Variants in NINL observed in about 807,000 individuals in gnomAD.
NINL encodes the protein ninein like.
In NINL, 153 loss-of-function variants were observed where a neutral mutation model predicts 160.3. The observed-to-expected ratio is 0.95, with a 90% CI of 0.84 to 1.09. The LOEUF is 1.09. NINL is among the 50% of genes least tolerant of loss of function. The pLI, the probability that NINL is intolerant of heterozygous loss-of-function variation, is 0.00. For missense variants in NINL, 1,829 were observed against 1,764.0 expected (o/e 1.04, Z -0.66); for synonymous variants, 800 against 734.8 (o/e 1.09, Z -1.43).
rs1163087637 is a variant in NINL, at chr20:25,469,262, C to G, written c.3353+729G>C. ...CTGACTCTCATTGGTGGGCACCCCC[C>G]TACCCTGTCCCAACTCTCACTGGTG... On this transcript the variant is annotated intron_variant, in intron 18 of 23. Coordinates refer to ENST00000278886, the MANE Select transcript of NINL (RefSeq NM_025176.6). Among the ~76,000 whole-genome samples the G allele has an allele frequency of 3.1e-5, 3 of 95,810 alleles. 1 individual carries two copies. Among genetic ancestry groups the G allele is most frequent in the African/African-American group, 1.3e-4 (3 of 22,356 alleles). The allele number at this position is 95,810 out of a possible 152,430, so 62.9% of individuals were successfully genotyped here. A position where few individuals can be genotyped will look rare whatever the true frequency, so the allele number is the denominator to read the frequency against.
Position 25,510,661 on chromosome 20 carries a change from G to T in NINL, c.517+13C>A, listed in dbSNP as rs2064051401. 6.2e-7 allele frequency: 1 copy of T among 1,612,680 alleles called. No individual in the cohort carries two copies. The highest frequency in any genetic ancestry group is 8.5e-7 in the Non-Finnish European group (1 of 1,179,082). On this transcript the variant is annotated intron_variant, in intron 5 of 23. Transcript: ENST00000278886. ...AAAGGCAGAGAGCACTGAATGCGAGGCTGAGGCTTTACCTTGTGCTTCAAA... is the reference window on the plus strand; with the variant it reads ...AAAGGCAGAGAGCACTGAATGCGAGTCTGAGGCTTTACCTTGTGCTTCAAA...
chr20:25,547,407 C>A (rs2064748338), intron 1 of NINL, among the ~76,000 whole-genome samples: 1 of 152,264 alleles, frequency 6.6e-6, no homozygotes, highest in South Asian at 2.1e-4. Flanking sequence ...ATGATCAACC[C>A]CCAGAGATGG....
At position 25,476,374 on chromosome 20, in the gene NINL, C is replaced by G; in HGVS notation, c.2917G>C (p.Glu973Gln). ...RPAASCRGQAERLQAIQEERA... is the reference protein window; with the variant it reads ...RPAASCRGQAQRLQAIQEERA... Reference sequence around the variant, plus strand: ...TCTTCCTGAATGGCCTGTAGCCTCTCAGCCTGTCCCCTGCACGAAGCGGCC... The same window carrying G: ...TCTTCCTGAATGGCCTGTAGCCTCTGAGCCTGTCCCCTGCACGAAGCGGCC... Residue 973 changes from glutamate (E) to glutamine (Q), a missense_variant, in exon 17 of 24, where the codon GAG becomes CAG. Coordinates refer to ENST00000278886, the MANE Select transcript of NINL (RefSeq NM_025176.6). 1 of 1,611,310 alleles carries G rather than the reference C, an allele frequency of 6.2e-7. No individual in the cohort carries two copies. Among genetic ancestry groups the G allele is most frequent in the Non-Finnish European group, 8.5e-7 (1 of 1,179,676 alleles).
intron 14 of NINL, 110 bp from the exon 15 acceptor site, chr20:25,480,377 G>A (rs1298930941): frequency 6.6e-6 from 5 of 760,612 alleles, no homozygotes; most frequent in Admixed American, 6.1e-5. Context: ...GGCAGGTGGT[G>A]CTGGCTGTGA....
chr20:25,501,076 T>C, intron 7 of NINL, 66 bp from the exon 8 acceptor site: 1 of 1,539,764 alleles, frequency 6.5e-7, no homozygotes, highest in Non-Finnish European at 8.8e-7. Context: ...GCTGCTGATG[T>C]GCTCTCCACC....
chr20:25,479,300 C>G (rs189135858), intron 15 of NINL, 94 bp from the exon 16 acceptor site: 3 of 1,480,772 alleles, frequency 2.0e-6, no homozygotes, highest in Non-Finnish European at 1.8e-6. Flanking sequence ...CCTGGCACAA[C>G]GTGCAAAGAC....
chr20:25,496,557 A>C (rs1007914183), intron 10 of NINL, 106 bp downstream of exon 10: 1 of 1,391,268 alleles, frequency 7.2e-7, no homozygotes, highest in Non-Finnish European at 9.8e-7. Flanking sequence ...GTCTCCACTG[A>C]GCCACACCCG....
intron 2 of NINL, among the ~76,000 whole-genome samples, chr20:25,520,221 A>G (rs2064238893): frequency 6.6e-6 from 1 of 152,154 alleles, no homozygotes; most frequent in African/African-American, 2.4e-5. Context: ...ACTTGGACAC[A>G]TGGCTCTTTT....
intron 1 of NINL, among the ~76,000 whole-genome samples, chr20:25,579,972 C>CT (rs2147204682): frequency 6.6e-6 from 1 of 152,282 alleles, no homozygotes; most frequent in Non-Finnish European, 1.5e-5. Flanking sequence ...TCTGACCACT[C>CT]TTAGAAACTC....
intron 1 of NINL, among the ~76,000 whole-genome samples, chr20:25,564,480 A>G (rs1376435110): frequency 6.6e-6 from 1 of 152,076 alleles, no homozygotes; most frequent in East Asian, 1.9e-4. Context: ...ACCAGGCCCA[A>G]CTAATTTTCA....
chr20:25,541,780 T>C (rs961312754), intron 1 of NINL, among the ~76,000 whole-genome samples: 2 of 152,166 alleles, frequency 1.3e-5, no homozygotes, highest in African/African-American at 4.8e-5. Flanking sequence ...AAATAGCCAA[T>C]AACAGAAATA....
intron 3 of NINL, among the ~76,000 whole-genome samples, chr20:25,516,371 GAAAGAA>G (rs1460746840): frequency 6.6e-6 from 1 of 152,004 alleles, no homozygotes; most frequent in Non-Finnish European, 1.5e-5. Flanking sequence ...AATTGGAAAA[GAAAGAA>G]AAAGAAAAAG....
chr20:25,549,349 T>C (rs1260515099), intron 1 of NINL, among the ~76,000 whole-genome samples: 22 of 84,458 alleles, frequency 2.6e-4, no homozygotes, highest in African/African-American at 4.2e-4. Context: ...CCCAGCTTCA[T>C]CCAGGGCTGA....
At chr20:25,491,558 G>A (rs758003200) in intron 10 of NINL, 33 bp from the exon 11 acceptor site, 1 of 1,602,124 alleles carries the variant, frequency 6.2e-7, no homozygotes, top group South Asian at 1.1e-5. Context: ...CGTCAGACAT[G>A]TCATGTCAGG....
At position 25,493,127 on chromosome 20, in the gene NINL, G is replaced by T. The variant is rs6115196; in HGVS notation, c.1311-1602C>A. 4.8e-3 allele frequency among the ~76,000 whole-genome samples: 729 copies of T among 152,224 alleles called. 10 individuals are homozygous for T. Among genetic ancestry groups the T allele is most frequent in the African/African-American group, 0.017 (693 of 41,522 alleles). Reference sequence around the variant, plus strand: ...CAATTCACACAAGTCTTTCCAAATGGCTGGGAGAGAATCAAGGTATACACG... The same window carrying T: ...CAATTCACACAAGTCTTTCCAAATGTCTGGGAGAGAATCAAGGTATACACG... On this transcript the variant is annotated intron_variant, in intron 10 of 23. Transcript: ENST00000278886.
intron 1 of NINL, among the ~76,000 whole-genome samples, chr20:25,575,485 GC>G (rs1197040602): frequency 6.6e-6 from 1 of 150,606 alleles, no homozygotes; most frequent in African/African-American, 2.4e-5. Flanking sequence ...AGGTGTGGTG[GC>G]TTGCGCCTGT....
At chr20:25,455,851 G>A in intron 22 of NINL, 65 bp from the exon 23 acceptor site, 1 of 1,333,920 alleles carries the variant, frequency 7.5e-7, no homozygotes, top group Non-Finnish European at 1.1e-6. Flanking sequence ...CCAGCACTTT[G>A]GGAGGCCGAG....
chr20:25,517,093 T>C (rs1399710892), intron 3 of NINL, among the ~76,000 whole-genome samples: 1 of 152,100 alleles, frequency 6.6e-6, no homozygotes, highest in Admixed American at 6.5e-5. Flanking sequence ...AACCTCTGTG[T>C]GAGCCTGGTC....
chr20:25,560,574 C>A (rs2064922305), intron 1 of NINL, among the ~76,000 whole-genome samples: 1 of 152,204 alleles, frequency 6.6e-6, no homozygotes, highest in South Asian at 2.1e-4. Context: ...TCTGCTCACT[C>A]TGGTTTCTGT....
Sources: gnomAD v4.1 joint callset for allele counts (sites outside exome capture counted in the v4.1 genomes callset) on GRCh38, gnomAD v4.1.1 for gene constraint, MANE v1.5 for transcripts, NCBI Gene and HGNC (gene_info 2026-07-23, HGNC 2026-07-21) for gene names.